Variants in ASAP2 observed in about 807,000 individuals in gnomAD.
ASAP2 encodes the protein arf-GAP with SH3 domain, ANK repeat and PH domain-containing protein 2.
Under a neutral mutation model 131.4 loss-of-function variants are expected in ASAP2, and 45 were observed. That is an observed-to-expected ratio of 0.34 (90% CI 0.27 to 0.44). ASAP2 has a LOEUF of 0.44. Among genes scored for constraint, ASAP2 ranks in the 20% least tolerant of loss-of-function variants. The pLI is 1.00. For synonymous variants in ASAP2, 510 were observed against 503.0 expected, an observed-to-expected ratio of 1.01 and a Z score of -0.19; for missense variants, 1,011 against 1,297.0, an observed-to-expected ratio of 0.78 and a Z score of 3.39.
chr2:9,387,063 G>A (rs1015700206), intron 21 of ASAP2, among the ~76,000 whole-genome samples: 20 of 139,246 alleles, frequency 1.4e-4, no homozygotes, highest in Middle Eastern at 3.6e-3. Flanking sequence ...AAAATTAGCC[G>A]GGCTTGGTGG....
In ASAP2 at chr2:9,318,325, C is replaced by T. The variant is rs149442402; in HGVS notation, c.346-199C>T. Among the ~76,000 whole-genome samples, 469 of 152,282 alleles carry T rather than the reference C, an allele frequency of 3.1e-3. 4 individuals are homozygous for T. Among genetic ancestry groups the T allele is most frequent in the African/African-American group, 0.01 (416 of 41,552 alleles). On this transcript the variant is annotated intron_variant, in intron 3 of 27. Coordinates refer to ENST00000281419, the MANE Select transcript of ASAP2 (RefSeq NM_003887.3). ...ACTGTGAAATATATACAGACCTAGA[C>T]TTTTCATTAGCCCTCTATTCATTTG...
intron 11 of ASAP2, among the ~76,000 whole-genome samples, chr2:9,347,041 C>G (rs1157424386): frequency 6.6e-6 from 1 of 151,142 alleles, no homozygotes; most frequent in Non-Finnish European, 1.5e-5. Context: ...GAGGGGAAAA[C>G]CCTCTCCAGG....
At chr2:9,317,611 T>C in intron 3 of ASAP2, among the ~76,000 whole-genome samples, 2 of 141,506 alleles carry the variant, frequency 1.4e-5, no homozygotes, top group East Asian at 2.2e-4. Flanking sequence ...CGCACTCACA[T>C]CCACAATCAC....
At chr2:9,212,345 G>A (rs530788732) in intron 1 of ASAP2, among the ~76,000 whole-genome samples, 2 of 152,292 alleles carry the variant, frequency 1.3e-5, no homozygotes, top group African/African-American at 2.4e-5. Flanking sequence ...TGGTCCCAGG[G>A]CGTGGGGCTG....
At position 9,311,713 on chromosome 2, in the gene ASAP2, G is replaced by A. The variant is rs1237034613; in HGVS notation, c.346-6811G>A. On this transcript the variant is annotated intron_variant, in intron 3 of 27. Transcript: ENST00000281419. The surrounding 1 kb of genome is among the most constrained non-coding windows in gnomAD (Gnocchi z 5.2). ...TCGAGGATGGCTCGTTCGGCTGCGG[G>A]CCTGAGGCTGCTGGACACACAGAGG... Among the ~76,000 whole-genome samples, 1 of 152,198 alleles carries A rather than the reference G, an allele frequency of 6.6e-6. No homozygotes were observed. Among genetic ancestry groups the A allele is most frequent in the Admixed American group, 6.5e-5 (1 of 15,280 alleles).
intron 1 of ASAP2, among the ~76,000 whole-genome samples, chr2:9,221,519 T>C (rs1305149151): frequency 1.3e-5 from 2 of 152,082 alleles, no homozygotes; most frequent in Admixed American, 1.3e-4. Context: ...AATCTTACAC[T>C]TCTTCTGTTA....
chr2:9,263,491 C>T (rs1168453570), intron 1 of ASAP2, among the ~76,000 whole-genome samples: 1 of 152,200 alleles, frequency 6.6e-6, no homozygotes, highest in Non-Finnish European at 1.5e-5. Context: ...TAGGACTTTT[C>T]TTCCCCCTAA....
At chr2:9,333,167 C>A (rs1187644189) in intron 7 of ASAP2, among the ~76,000 whole-genome samples, 1 of 152,180 alleles carries the variant, frequency 6.6e-6, no homozygotes, top group Admixed American at 6.5e-5. Flanking sequence ...ATATGTGAAA[C>A]CCAGATCACT....
At chr2:9,282,154 T>C (rs750921796) in intron 2 of ASAP2, among the ~76,000 whole-genome samples, 6 of 152,180 alleles carry the variant, frequency 3.9e-5, no homozygotes, top group Non-Finnish European at 8.8e-5. Context: ...CTCATGTCCT[T>C]TTTGAGGCCC....
intron 9 of ASAP2, among the ~76,000 whole-genome samples, chr2:9,343,256 A>C (rs1671713293): frequency 6.6e-6 from 1 of 152,168 alleles, no homozygotes; most frequent in South Asian, 2.1e-4. Flanking sequence ...CCCATTATGG[A>C]ATGAACTGGA....
chr2:9,216,237 G>A (rs958566320), intron 1 of ASAP2, among the ~76,000 whole-genome samples: 1 of 151,484 alleles, frequency 6.6e-6, no homozygotes, highest in South Asian at 2.1e-4. Context: ...TTGCAAGAGT[G>A]TGTTGGGGAT....
intron 3 of ASAP2, among the ~76,000 whole-genome samples, chr2:9,317,721 ATCACAT>A (rs1174596046): frequency 1.4e-5 from 2 of 147,392 alleles, no homozygotes; most frequent in African/African-American, 5.0e-5. Flanking sequence ...CCCATACACA[ATCACAT>A]TCACACTCAC....
Position 9,363,608 on chromosome 2 carries a change from G to A in ASAP2, c.1461+4719G>A, listed in dbSNP as rs112795100. ...TCTTCTCTTTCTCTTTTTTTTGACA[G>A]GTTCTTGCTCTGTCGCCCAGGCTGG... On this transcript the variant is annotated intron_variant, in intron 15 of 27. Coordinates refer to ENST00000281419, the MANE Select transcript of ASAP2 (RefSeq NM_003887.3). Among the ~76,000 whole-genome samples, 1,012 of 152,000 alleles carry A rather than the reference G, an allele frequency of 6.7e-3. 11 individuals are homozygous for A. The highest frequency in any genetic ancestry group is 0.023 in the African/African-American group (959 of 41,454).
rs561872960 is a variant in ASAP2, at chr2:9,311,793, G to A, written c.346-6731G>A. On this transcript the variant is annotated intron_variant, in intron 3 of 27. Coordinates refer to ENST00000281419, the MANE Select transcript of ASAP2 (RefSeq NM_003887.3). This position sits in a 1 kb window ranked among gnomAD's most constrained non-coding sequence, Gnocchi z 5.2. ...GCAGGGCACACCTGCCGAGAAGCGC[G>A]TCTGGCCCCCACGCACTTGTTCTCT... is the stretch of plus-strand genomic sequence containing the variant. 6.6e-6 allele frequency among the ~76,000 whole-genome samples: 1 copy of A among 152,280 alleles called. No homozygotes were observed. The highest frequency in any genetic ancestry group is 1.9e-4 in the East Asian group (1 of 5,170).
chr2:9,278,672 C>T (rs1450035700), intron 1 of ASAP2, among the ~76,000 whole-genome samples: 2 of 152,162 alleles, frequency 1.3e-5, no homozygotes, highest in East Asian at 3.8e-4. Flanking sequence ...TAGACAACTG[C>T]CGTGTAGTAG....
At position 9,393,644 on chromosome 2, in the gene ASAP2, C is replaced by T. The variant is rs372519755; in HGVS notation, c.2681C>T (p.Pro894Leu). Residue 894 changes from proline (P) to leucine (L), a missense_variant, in exon 24 of 28, where the codon CCG (proline) becomes CTG (leucine). Around this residue, in one of 2 missense-constraint regions of ASAP2, gnomAD observed 652 missense variants for 698.9 expected, o/e 0.93. Coordinates refer to ENST00000281419, the MANE Select transcript of ASAP2 (RefSeq NM_003887.3). Reference protein sequence around the residue: ...PSRLPQKKPAPGADKSTPLTN... With the variant: ...PSRLPQKKPALGADKSTPLTN... Reference sequence around the variant, plus strand: ...CGCCTCCCGCAGAAGAAGCCTGCGCCGGGGTAAGCCACCCCCAGCCAGCTC... The same window carrying T: ...CGCCTCCCGCAGAAGAAGCCTGCGCTGGGGTAAGCCACCCCCAGCCAGCTC... 4.5e-5 allele frequency: 71 copies of T among 1,567,960 alleles called. No homozygotes were observed. The highest frequency in any genetic ancestry group is 3.9e-4 in the Middle Eastern group (2 of 5,070).
chr2:9,334,030 G>C (rs1256380136), intron 7 of ASAP2, among the ~76,000 whole-genome samples: 1 of 132,636 alleles, frequency 7.5e-6, no homozygotes, highest in African/African-American at 2.9e-5. Flanking sequence ...CTCTGTCTCT[G>C]TCTTTCTCCT....
At chr2:9,277,927 C>T (rs1040748977) in intron 1 of ASAP2, among the ~76,000 whole-genome samples, 4 of 152,170 alleles carry the variant, frequency 2.6e-5, no homozygotes, top group Non-Finnish European at 5.9e-5. Flanking sequence ...GGCATTAGAA[C>T]CAGGGCTTAC....
At chr2:9,272,367 T>C (rs749821071) in intron 1 of ASAP2, among the ~76,000 whole-genome samples, 2 of 152,254 alleles carry the variant, frequency 1.3e-5, no homozygotes, top group Non-Finnish European at 2.9e-5. Context: ...TTTGGAGATA[T>C]GTCTATTTAT....
Sources: gnomAD v4.1 joint callset for allele counts (sites outside exome capture counted in the v4.1 genomes callset) on GRCh38, gnomAD v4.1.1 for gene constraint, gnomAD v4.1.1 regional missense constraint, Gnocchi (gnomAD v3.1) non-coding constraint, MANE v1.5 for transcripts, NCBI Gene and HGNC (gene_info 2026-07-23, HGNC 2026-07-21) for gene names.